Variants in LRP1 observed in about 807,000 individuals in gnomAD.
LRP1 encodes prolow-density lipoprotein receptor-related protein 1.
LRP1 carries 51 observed loss-of-function variants against 541.5 expected under a neutral mutation model. The ratio of observed to expected loss-of-function variants is 0.09; its 90% CI spans 0.08 to 0.12. The LOEUF is 0.12. Ranked by LOEUF, LRP1 falls within the 10% of genes least tolerant of loss-of-function variation. LRP1 has a pLI of 1.00. For missense variants in LRP1, 3,878 were observed against 6,376.2 expected, an observed-to-expected ratio of 0.61 and a Z score of 13.34; for synonymous variants, 2,219 against 2,470.8, an observed-to-expected ratio of 0.90 and a Z score of 3.02.
At chr12:57,131,218 G>A (rs2035032007) in intron 1 of LRP1, among the ~76,000 whole-genome samples, 1 of 152,100 alleles carries the variant, frequency 6.6e-6, no homozygotes, top group Non-Finnish European at 1.5e-5. Flanking sequence ...GCAATCCTAG[G>A]GGCTTTCCCA....
At chr12:57,150,234 C>T (rs547324701) in intron 6 of LRP1, among the ~76,000 whole-genome samples, 80 of 129,110 alleles carry the variant, frequency 6.2e-4, no homozygotes, top group Admixed American at 1.3e-3. Context: ...CTCTGTCGCC[C>T]AGGCTGGAGT....
intron 61 of LRP1, 46 bp downstream of exon 61, chr12:57,199,446 C>G (rs775263050): frequency 6.3e-7 from 1 of 1,582,706 alleles, no homozygotes; most frequent in South Asian, 1.1e-5. Flanking sequence ...AGCCAGGCAC[C>G]GGGGTCCCTG....
At chr12:57,180,171 C>A (rs2036135095) in intron 31 of LRP1, 30 bp downstream of exon 31, 1 of 1,604,580 alleles carries the variant, frequency 6.2e-7, no homozygotes, top group African/African-American at 1.3e-5. Context: ...CCCCCACAGC[C>A]CCTCCCTAAT....
Position 57,162,489 on chromosome 12 carries a change from T to A in LRP1, c.2375T>A (p.Ile792Asn). ...AGTGAGCGGCCCCCCATCTTTGAGA[T>A]CCGAATGTATGATGCCCAGCAGCAG... ...LRSERPPIFE[I>N]RMYDAQQQQV... Residue 792 changes from isoleucine (I) to asparagine (N), a missense_variant, in exon 14 of 89, where the codon ATC becomes AAC. Ile to Asn is a moderately radical substitution (Grantham distance 149). Around this residue, in one of 13 missense-constraint regions of LRP1, gnomAD observed 496 missense variants for 861.0 expected, o/e 0.58. Coordinates refer to ENST00000243077, the MANE Select transcript of LRP1 (RefSeq NM_002332.3). This position sits in a 1 kb window ranked among gnomAD's most constrained non-coding sequence, Gnocchi z 5.2. The A allele has an allele frequency of 6.2e-7, 1 of 1,613,830 alleles. No individual in the cohort carries two copies. Among genetic ancestry groups the A allele is most frequent in the Non-Finnish European group, 8.5e-7 (1 of 1,179,974 alleles).
Position 57,205,352 on chromosome 12 carries a change from C to A in LRP1, c.11337C>A (p.Asp3779Glu). The part of the protein sequence containing the change: ...DGSDEEDCSI[D>E]PKLTSCATNA... ...GCATCCACTCTCTGTCCCCCACAGACCCCAAGCTGACCAGCTGCGCCACCA... is the reference window on the plus strand; with the variant it reads ...GCATCCACTCTCTGTCCCCCACAGAACCCAAGCTGACCAGCTGCGCCACCA... Residue 3779 changes from aspartate to glutamate, a missense_variant and splice_region_variant, in exon 74 of 89, where the codon GAC (aspartate) becomes GAA (glutamate). Asp to Glu is a conservative substitution (Grantham distance 45, BLOSUM62 2). This residue lies in a region of LRP1 where 871 missense variants were observed against 1,212.4 expected (regional missense o/e 0.72). Transcript: ENST00000243077. This position sits in a 1 kb window ranked among gnomAD's most constrained non-coding sequence, Gnocchi z 4.6. 6.2e-7 allele frequency: 1 copy of A among 1,604,816 alleles called. No individual in the cohort carries two copies. Among genetic ancestry groups the A allele is most frequent in the Non-Finnish European group, 8.5e-7 (1 of 1,176,718 alleles).
Position 57,156,068 on chromosome 12 carries a change from T to C in LRP1, c.1228-26T>C. ...GGGAGGAACCCCTGTCATCTCATGC[T>C]GTCCATTCTTGCCTGCCCGTCTCAG... On this transcript the variant is annotated intron_variant, in intron 8 of 88. Transcript: ENST00000243077. This position sits in a 1 kb window ranked among gnomAD's most constrained non-coding sequence, Gnocchi z 5.2. 6.2e-7 allele frequency: 1 copy of C among 1,602,908 alleles called. No individual in the cohort carries two copies. Among genetic ancestry groups the C allele is most frequent in the Non-Finnish European group, 8.5e-7 (1 of 1,172,334 alleles).
In LRP1 at chr12:57,184,416, C is replaced by T; in HGVS notation, c.6150C>T (p.Ser2050=). 6.2e-7 allele frequency: 1 copy of T among 1,614,244 alleles called. No individual in the cohort carries two copies. The highest frequency in any genetic ancestry group is 8.5e-7 in the Non-Finnish European group (1 of 1,180,036). The change falls in exon 38 of 89, where the codon AGC becomes AGT. Residue 2050 remains serine (S), a synonymous_variant. Coordinates refer to ENST00000243077, the MANE Select transcript of LRP1 (RefSeq NM_002332.3). This position sits in a 1 kb window ranked among gnomAD's most constrained non-coding sequence, Gnocchi z 7.8. ...AGCGTGTGGTGCTGGTCAACGTCAG[C>T]ATCAGCTGGCCCAACGGCATCTCAG... is the stretch of plus-strand genomic sequence containing the variant. ...GTERVVLVNV[S]ISWPNGISVD...
At position 57,202,584 on chromosome 12, in the gene LRP1, G is replaced by A. The variant is rs372354948; in HGVS notation, c.10711+47G>A. 3 of 1,323,802 alleles carry A rather than the reference G, an allele frequency of 2.3e-6. No individual in the cohort carries two copies. In the African/African-American group the frequency reaches 4.6e-5, roughly 20 times the overall value. The allele number at this position is 1,323,802 out of a possible 1,614,324, so 82.0% of individuals were successfully genotyped here. A position where few individuals can be genotyped will look rare whatever the true frequency, so the allele number is the denominator to read the frequency against. ...CCCGCATGAGCCCCTCCCAGGCCTG[G>A]CCCTTGTCTCGCGGCCCTCCTGCCA... On this transcript the variant is annotated intron_variant, in intron 68 of 88. Coordinates refer to ENST00000243077, the MANE Select transcript of LRP1 (RefSeq NM_002332.3).
chr12:57,167,969 C>T (rs999025902), intron 19 of LRP1, among the ~76,000 whole-genome samples: 2 of 152,230 alleles, frequency 1.3e-5, no homozygotes, highest in Non-Finnish European at 2.9e-5. Flanking sequence ...AGCCTTGAGC[C>T]ACCAGGGCTA....
intron 15 of LRP1, among the ~76,000 whole-genome samples, chr12:57,163,645 A>G (rs1204294657): frequency 6.6e-6 from 1 of 152,108 alleles, no homozygotes; most frequent in Non-Finnish European, 1.5e-5. Flanking sequence ...AGAGGAGAAA[A>G]AAGCCCAAAT....
intron 20 of LRP1, among the ~76,000 whole-genome samples, chr12:57,169,937 T>A (rs1434785688): frequency 2.0e-5 from 3 of 152,232 alleles, no homozygotes; most frequent in Non-Finnish European, 4.4e-5. Flanking sequence ...ATGTGAAAAC[T>A]ACCAAATTTT....
chr12:57,145,256 A>G lies in LRP1; in HGVS notation c.607A>G (p.Ile203Val). 1.2e-6 allele frequency: 2 copies of G among 1,614,034 alleles called. No individual in the cohort carries two copies. Among genetic ancestry groups the G allele is most frequent in the East Asian group, 4.5e-5 (2 of 44,866 alleles). The change falls in exon 6 of 89, where the codon ATA becomes GTA. Residue 203 changes from isoleucine (I) to valine (V), a missense_variant. Physicochemically the swap from Ile to Val is conservative, Grantham distance 29. Around this residue, in one of 13 missense-constraint regions of LRP1, gnomAD observed 293 missense variants for 403.7 expected, o/e 0.73. Coordinates refer to ENST00000243077, the MANE Select transcript of LRP1 (RefSeq NM_002332.3). Reference protein sequence around the residue: ...EPVDRPPVLLIANSQNILATY... With the variant: ...EPVDRPPVLLVANSQNILATY... ...AGTAGACCGGCCCCCTGTGCTGTTG[A>G]TAGCCAACTCCCAGAACATCTTGGC... is the stretch of plus-strand genomic sequence containing the variant.
chr12:57,205,634 C>T lies in LRP1; in HGVS notation c.11547C>T (p.Cys3849=), dbSNP rs141284602. ...NNTKGGHLCS[C]ARNFMKTHNT... The stretch of plus-strand genomic sequence containing the variant: ...CCAAGGGCGGCCACCTCTGCAGCTG[C>T]GCTCGGAACTTCATGAAGACGCACA... Residue 3849 remains cysteine, a synonymous_variant, in exon 75 of 89, where the codon TGC becomes TGT. Coordinates refer to ENST00000243077, the MANE Select transcript of LRP1 (RefSeq NM_002332.3). This position sits in a 1 kb window ranked among gnomAD's most constrained non-coding sequence, Gnocchi z 4.6. The T allele has an allele frequency of 1.8e-5, 29 of 1,613,384 alleles. No individual in the cohort carries two copies. Among genetic ancestry groups the T allele is most frequent in the Non-Finnish European group, 2.3e-5 (27 of 1,180,018 alleles).
chr12:57,166,443 C>T, intron 17 of LRP1: 1 of 504,950 alleles, frequency 2.0e-6, no homozygotes, highest in Non-Finnish European at 3.5e-6. Flanking sequence ...CACCTCTAGT[C>T]CCAGCTACTT....
At chr12:57,203,108 G>T in intron 68 of LRP1, 73 bp from the exon 69 acceptor site, 1 of 1,123,930 alleles carries the variant, frequency 8.9e-7, no homozygotes, top group Non-Finnish European at 1.3e-6. Flanking sequence ...CTTGGGCTCG[G>T]GACTGTGGCA....
intron 10 of LRP1, among the ~76,000 whole-genome samples, chr12:57,157,756 C>T (rs1031457363): frequency 1.3e-5 from 2 of 152,226 alleles, no homozygotes; most frequent in Non-Finnish European, 2.9e-5. Context: ...GGAGCATGTC[C>T]GGCAGAGGAA....
In LRP1 at chr12:57,177,340, C is replaced by A; in HGVS notation, c.4197-87C>A. On this transcript the variant is annotated intron_variant, in intron 25 of 88. Transcript: ENST00000243077. The surrounding 1 kb of genome is among the most constrained non-coding windows in gnomAD (Gnocchi z 6.8). ...CACCTTACTCCTCAGTGCCATCTGC[C>A]TCCTCCCACCCTCTACCTACGATCC... 6.4e-7 allele frequency: 1 copy of A among 1,560,280 alleles called. No individual in the cohort carries two copies. The highest frequency in any genetic ancestry group is 1.2e-5 in the South Asian group (1 of 84,670).
At position 57,177,601 on chromosome 12, in the gene LRP1, C is replaced by A; in HGVS notation, c.4361+10C>A. ...TTTGGATTGACGCCAGGTCAGCACC[C>A]TCTGTGCCCTGAGAAGGCCCAAGTC... On this transcript the variant is annotated intron_variant, in intron 26 of 88. Coordinates refer to ENST00000243077, the MANE Select transcript of LRP1 (RefSeq NM_002332.3). This position sits in a 1 kb window ranked among gnomAD's most constrained non-coding sequence, Gnocchi z 6.8. 2 of 1,613,258 alleles carry A rather than the reference C, an allele frequency of 1.2e-6. No homozygotes were observed. The highest frequency in any genetic ancestry group is 1.7e-6 in the Non-Finnish European group (2 of 1,179,760).
rs1265397751 is a variant in LRP1 at position 57,198,295 on chromosome 12, G to A, written c.9422G>A (p.Ser3141Asn). The A allele has an allele frequency of 1.9e-6, 3 of 1,613,968 alleles. No homozygotes were observed. The highest frequency in any genetic ancestry group is 2.5e-6 in the Non-Finnish European group (3 of 1,180,002). ...GGGGCCTATCGGACGGTGCTGGTCA[G>A]CTCTGGCCTCCGTGAGCCCAGGGCT... Reference protein sequence around the residue: ...LNGAYRTVLVSSGLREPRALV... With the variant: ...LNGAYRTVLVNSGLREPRALV... The change falls in exon 59 of 89, where the codon AGC becomes AAC. Residue 3141 changes from serine (S) to asparagine (N), a missense_variant. Physicochemically the swap from Ser to Asn is conservative, Grantham distance 46. Around this residue, in one of 13 missense-constraint regions of LRP1, gnomAD observed 1,100 missense variants for 1,827.4 expected, o/e 0.60. Transcript: ENST00000243077.
Sources: allele counts gnomAD v4.1 joint callset (sites outside exome capture counted in the v4.1 genomes callset), GRCh38; gene constraint gnomAD v4.1.1; regional missense constraint gnomAD v4.1.1; non-coding constraint Gnocchi (gnomAD v3.1); transcripts MANE v1.5; gene names NCBI Gene and HGNC (gene_info 2026-07-23, HGNC 2026-07-21).